Variants in ARSB observed in about 807,000 individuals in gnomAD.
ARSB encodes the protein N-acetylgalactosamine-4-sulfatase.
ARSB carries 41 observed loss-of-function variants against 50.9 expected under a neutral mutation model. The observed-to-expected ratio is 0.81, with a 90% CI of 0.63 to 1.04. The LOEUF (loss-of-function observed/expected upper bound fraction) is 1.04, where lower values mean the gene tolerates loss of function less well. ARSB is among the 50% of genes least tolerant of loss of function. The pLI, the probability that ARSB is intolerant of heterozygous loss-of-function variation, is 0.00. For synonymous variants in ARSB, 269 were observed against 284.8 expected (o/e 0.94, Z 0.56); for missense variants, 672 against 693.3 (o/e 0.97, Z 0.35).
At chr5:78,862,132 G>A (rs1746468225) in intron 5 of ARSB, among the ~76,000 whole-genome samples, 2 of 152,154 alleles carry the variant, frequency 1.3e-5, no homozygotes, top group Non-Finnish European at 1.5e-5. Context: ...AAACAAATGG[G>A]AGAACATTCC....
chr5:78,798,500 C>A (rs11744095), intron 6 of ARSB, among the ~76,000 whole-genome samples: 45,359 of 151,642 alleles, frequency 0.3, 7,100 homozygotes, highest in African/African-American at 0.38. Context: ...GGAGAAAGAC[C>A]CCCCCGCCCC....
chr5:78,873,034 A>T (rs1325176157), intron 5 of ARSB, among the ~76,000 whole-genome samples: 1 of 151,830 alleles, frequency 6.6e-6, no homozygotes, highest in Non-Finnish European at 1.5e-5. Flanking sequence ...CATACGAGTT[A>T]AAAAAAATAG....
intron 4 of ARSB, among the ~76,000 whole-genome samples, chr5:78,942,023 A>G (rs10474571): frequency 0.32 from 49,128 of 151,972 alleles, 8,201 homozygotes; most frequent in Middle Eastern, 0.38. Flanking sequence ...GGGTGTATGT[A>G]TCCAGTAATT....
intron 4 of ARSB, among the ~76,000 whole-genome samples, chr5:78,948,001 G>A (rs756370967): frequency 6.6e-6 from 1 of 152,108 alleles, no homozygotes; most frequent in Non-Finnish European, 1.5e-5. Context: ...GGGAACTGGA[G>A]GTCATTATAT....
rs77758251 is a variant in ARSB, at chr5:78,840,316, A to T, written c.1143-890T>A. ...TGCAAAGTACTGTTAACACCACAGGATTCATACATAATATAAATAATCAAT... is the reference window on the plus strand; with the variant it reads ...TGCAAAGTACTGTTAACACCACAGGTTTCATACATAATATAAATAATCAAT... On this transcript the variant is annotated intron_variant, in intron 5 of 7. Transcript: ENST00000264914. 9.1e-3 allele frequency among the ~76,000 whole-genome samples: 1,390 copies of T among 152,290 alleles called. 18 individuals carry two copies. The highest frequency in any genetic ancestry group is 0.031 in the African/African-American group (1,296 of 41,540).
At position 78,916,567 on chromosome 5, in the gene ARSB, G is replaced by A. The variant is rs536239815; in HGVS notation, c.899-30740C>T. Among the ~76,000 whole-genome samples, 14 of 152,274 alleles carry A rather than the reference G, an allele frequency of 9.2e-5. No individual in the cohort carries two copies. The South Asian group carries it at 2.7e-3, about 29-fold the overall frequency. ...CATCTTTCTCTTATTGATAAAAACA[G>A]AAAGATAAGAAGGAAGCTACAACAT... is the stretch of plus-strand genomic sequence containing the variant. On this transcript the variant is annotated intron_variant, in intron 4 of 7. Coordinates refer to ENST00000264914, the MANE Select transcript of ARSB (RefSeq NM_000046.5).
Position 78,889,360 on chromosome 5 carries a change from C to T in ARSB, c.899-3533G>A, listed in dbSNP as rs557359610. ...CATTTTCCCTTCTAGTTTTATTTTTCGGCAAAAGTTAATTTCTTTCTTGTT... is the reference window on the plus strand; with the variant it reads ...CATTTTCCCTTCTAGTTTTATTTTTTGGCAAAAGTTAATTTCTTTCTTGTT... On this transcript the variant is annotated intron_variant, in intron 4 of 7. Transcript: ENST00000264914. 6.2e-4 allele frequency among the ~76,000 whole-genome samples: 95 copies of T among 152,224 alleles called. 1 individual carries two copies. The highest frequency in any genetic ancestry group is 3.9e-3 in the South Asian group (19 of 4,828).
chr5:78,845,122 A>C (rs1745386374), intron 5 of ARSB, among the ~76,000 whole-genome samples: 1 of 152,048 alleles, frequency 6.6e-6, no homozygotes, highest in Non-Finnish European at 1.5e-5. Flanking sequence ...CATGTATGAG[A>C]ACATGTGGTA....
chr5:78,922,838 G>A, intron 4 of ARSB, among the ~76,000 whole-genome samples: 1 of 151,884 alleles, frequency 6.6e-6, no homozygotes, highest in East Asian at 1.9e-4. Context: ...TGACCAGGAT[G>A]GTCTTGATCT....
At chr5:78,853,689 C>A (rs1001996960) in intron 5 of ARSB, among the ~76,000 whole-genome samples, 1 of 152,248 alleles carries the variant, frequency 6.6e-6, no homozygotes, top group Admixed American at 6.5e-5. Context: ...AGGCAGGCCT[C>A]CTTGAGCTGT....
intron 6 of ARSB, among the ~76,000 whole-genome samples, chr5:78,819,083 T>C (rs1374169741): frequency 6.6e-6 from 1 of 152,096 alleles, no homozygotes; most frequent in African/African-American, 2.4e-5. Flanking sequence ...TGCTGTTAGG[T>C]TTCAGGTAGG....
intron 4 of ARSB, among the ~76,000 whole-genome samples, chr5:78,894,153 A>C (rs1748461204): frequency 6.6e-5 from 10 of 152,374 alleles, no homozygotes; most frequent in Admixed American, 5.2e-4. Flanking sequence ...CAAGGGCAGC[A>C]GGAGAAAAGT....
rs565658113 is a variant in ARSB, at chr5:78,862,466, T to A, written c.1143-23040A>T. ...AGCCCTCAGAAATACAACCTTCTGATCTTTGACAAACCTGACAAAAACAAG... is the reference window on the plus strand; with the variant it reads ...AGCCCTCAGAAATACAACCTTCTGAACTTTGACAAACCTGACAAAAACAAG... On this transcript the variant is annotated intron_variant, in intron 5 of 7. Transcript: ENST00000264914. Among the ~76,000 whole-genome samples, 6 of 152,228 alleles carry A rather than the reference T, an allele frequency of 3.9e-5. No homozygotes were observed. The South Asian group carries it at 1.2e-3, about 32-fold the overall frequency.
At chr5:78,787,274 A>G (rs1749117665) in intron 6 of ARSB, among the ~76,000 whole-genome samples, 1 of 152,154 alleles carries the variant, frequency 6.6e-6, no homozygotes, top group Admixed American at 6.6e-5. Context: ...TGCCAGTACC[A>G]CACTACCAGG....
chr5:78,792,942 C>T (rs868634466), intron 6 of ARSB, among the ~76,000 whole-genome samples: 1 of 152,122 alleles, frequency 6.6e-6, no homozygotes, highest in Non-Finnish European at 1.5e-5. Context: ...ATTTTCCCCA[C>T]ATAACCTGTA....
At chr5:78,980,839 T>C (rs1269976888) in intron 1 of ARSB, among the ~76,000 whole-genome samples, 5 of 151,990 alleles carry the variant, frequency 3.3e-5, no homozygotes, top group Non-Finnish European at 7.4e-5. Context: ...AAAAATAAAA[T>C]ACGGATTTTT....
intron 5 of ARSB, among the ~76,000 whole-genome samples, chr5:78,864,436 T>C (rs1746607153): frequency 6.6e-6 from 1 of 152,118 alleles, no homozygotes; most frequent in Non-Finnish European, 1.5e-5. Context: ...GAGAACAGTA[T>C]GGAGGAAACT....
chr5:78,916,882 C>A (rs1469333815), intron 4 of ARSB, among the ~76,000 whole-genome samples: 1 of 152,200 alleles, frequency 6.6e-6, no homozygotes, highest in South Asian at 2.1e-4. Context: ...GTGCCAAGCA[C>A]AGGGAATGAT....
At chr5:78,947,069 T>C (rs1230840255) in intron 4 of ARSB, among the ~76,000 whole-genome samples, 1 of 152,182 alleles carries the variant, frequency 6.6e-6, no homozygotes, top group Non-Finnish European at 1.5e-5. Context: ...GAAAACTGGA[T>C]ATCCATATGC....
Sources: allele counts gnomAD v4.1 joint callset (sites outside exome capture counted in the v4.1 genomes callset), GRCh38; gene constraint gnomAD v4.1.1; transcripts MANE v1.5; gene names NCBI Gene and HGNC (gene_info 2026-07-23, HGNC 2026-07-21).